The following FOXP1 variants were observed in gnomAD, a reference collection of about 807,000 sequenced individuals.
FOXP1 encodes forkhead box protein P1.
FOXP1 carries 15 observed loss-of-function variants against 98.2 expected under a neutral mutation model. That is an observed-to-expected ratio of 0.15 (90% CI 0.10 to 0.24). FOXP1 has a LOEUF of 0.24. Among genes scored for constraint, FOXP1 ranks in the 10% least tolerant of loss-of-function variants. The pLI is 1.00. For missense variants in FOXP1, 633 were observed against 848.5 expected, an observed-to-expected ratio of 0.75 and a Z score of 3.15; for synonymous variants, 371 against 314.5, an observed-to-expected ratio of 1.18 and a Z score of -1.90.
chr3:71,350,444 C>A (rs139823842), intron 4 of FOXP1, among the ~76,000 whole-genome samples: 1 of 152,258 alleles, frequency 6.6e-6, no homozygotes, highest in African/African-American at 2.4e-5. Context: ...TTATAACTGA[C>A]TTTTCTGTCT....
At chr3:71,514,038 T>G (rs1329625505) in intron 2 of FOXP1, among the ~76,000 whole-genome samples, 6 of 152,182 alleles carry the variant, frequency 3.9e-5, no homozygotes, top group African/African-American at 1.2e-4. Context: ...GATTCCCAAA[T>G]AAAACACTGA....
chr3:71,110,174 C>T (rs573307387), intron 7 of FOXP1, among the ~76,000 whole-genome samples: 23 of 152,204 alleles, frequency 1.5e-4, no homozygotes, highest in African/African-American at 4.8e-4. Context: ...AGGAAATCCC[C>T]TGAAACTTTA....
At chr3:71,413,092 C>T (rs568387597) in intron 3 of FOXP1, among the ~76,000 whole-genome samples, 1 of 152,052 alleles carries the variant, frequency 6.6e-6, no homozygotes, top group South Asian at 2.1e-4. Context: ...AACCGACAAA[C>T]AGCCAACCGG....
intron 3 of FOXP1, among the ~76,000 whole-genome samples, chr3:71,493,213 C>G (rs1471113338): frequency 6.6e-6 from 1 of 152,094 alleles, no homozygotes; most frequent in Non-Finnish European, 1.5e-5. Context: ...AACAAACAAG[C>G]CAACAGAGGA....
At chr3:71,338,269 A>G (rs2076806264) in intron 4 of FOXP1, among the ~76,000 whole-genome samples, 1 of 152,254 alleles carries the variant, frequency 6.6e-6, no homozygotes. Context: ...AAATAGGTAC[A>G]AAGGCAGGGG....
At chr3:71,126,488 CA>C (rs1431813775) in intron 6 of FOXP1, among the ~76,000 whole-genome samples, 13 of 151,322 alleles carry the variant, frequency 8.6e-5, no homozygotes, top group Admixed American at 3.3e-4. Context: ...GACTCTGTCT[CA>C]AAAAAATAAT....
intron 12 of FOXP1, among the ~76,000 whole-genome samples, chr3:71,009,675 A>G (rs2043302649): frequency 6.6e-6 from 1 of 152,178 alleles, no homozygotes; most frequent in African/African-American, 2.4e-5. Context: ...AAGTAGGTTA[A>G]GAAGTTCTAA....
intron 3 of FOXP1, among the ~76,000 whole-genome samples, chr3:71,439,899 T>G (rs2085746827): frequency 6.7e-6 from 1 of 150,344 alleles, no homozygotes; most frequent in African/African-American, 2.5e-5. Flanking sequence ...TGATCGGAGA[T>G]TGCACCATTG....
At chr3:71,517,702 C>A (rs1478110772) in intron 2 of FOXP1, among the ~76,000 whole-genome samples, 1 of 152,136 alleles carries the variant, frequency 6.6e-6, no homozygotes, top group African/African-American at 2.4e-5. Flanking sequence ...CAGCAAGCTA[C>A]CTGGTTCAAA....
At chr3:70,971,281 C>CA (rs1363117419) in intron 18 of FOXP1, 21 of 200,730 alleles carry the variant, frequency 1.0e-4, no homozygotes, top group African/African-American at 3.3e-4. Flanking sequence ...AAGGAATATC[C>CA]ACAAGGCACG....
intron 7 of FOXP1, among the ~76,000 whole-genome samples, chr3:71,055,570 C>T (rs758526104): frequency 6.6e-6 from 1 of 152,166 alleles, no homozygotes; most frequent in Non-Finnish European, 1.5e-5. Context: ...ACAGTGAACT[C>T]GCATTCAGTT....
Position 71,038,689 on chromosome 3 carries a change from G to C in FOXP1, c.869+2639C>G, listed in dbSNP as rs183261750. On this transcript the variant is annotated intron_variant, in intron 11 of 20. Transcript: ENST00000649528. ...TTTTTTTTTTTTAATTAAGAGACAG[G>C]ATCTTGCTTTGTTGCCCAGGCTGGA... 2.6e-3 allele frequency among the ~76,000 whole-genome samples: 390 copies of C among 150,850 alleles called. 1 individual carries two copies. The highest frequency in any genetic ancestry group is 4.3e-3 in the Non-Finnish European group (292 of 67,742).
intron 12 of FOXP1, among the ~76,000 whole-genome samples, chr3:71,007,987 T>C (rs532938926): frequency 1.3e-5 from 2 of 152,286 alleles, no homozygotes; most frequent in African/African-American, 4.8e-5. Context: ...TTTGTTTTGT[T>C]CTGCATGAAG....
In FOXP1 at chr3:71,047,017, G is replaced by A. The variant is rs1449025967; in HGVS notation, c.589C>T (p.Leu197=). 1.2e-6 allele frequency: 2 copies of A among 1,614,120 alleles called. No individual in the cohort carries two copies. Among genetic ancestry groups the A allele is most frequent in the South Asian group, 2.2e-5 (2 of 91,082 alleles). The part of the protein sequence containing the change: ...QMQQLQQQHL[L]SLQRQGLLTI... ...AGAAGGCCTTGGCGCTGCAAAGACA[G>A]GAGGTGCTGCTGCTGTAACTGCTGC... Residue 197 remains leucine (L), a synonymous_variant, in exon 10 of 21, where the codon CTG becomes TTG. Coordinates refer to ENST00000649528, the MANE Select transcript of FOXP1 (RefSeq NM_001349338.3).
intron 3 of FOXP1, among the ~76,000 whole-genome samples, chr3:71,478,107 C>A (rs1185719666): frequency 2.0e-5 from 3 of 152,158 alleles, no homozygotes; most frequent in Non-Finnish European, 4.4e-5. Flanking sequence ...CTGTCCTTGA[C>A]ATCTCTTTAA....
chr3:71,116,220 A>G (rs561502736), intron 6 of FOXP1, among the ~76,000 whole-genome samples: 1 of 152,206 alleles, frequency 6.6e-6, no homozygotes, highest in Non-Finnish European at 1.5e-5. Flanking sequence ...AAAGTCATGT[A>G]TAAGTTTTTT....
intron 6 of FOXP1, among the ~76,000 whole-genome samples, chr3:71,125,638 A>C (rs554761349): frequency 6.6e-6 from 1 of 152,360 alleles, no homozygotes; most frequent in African/African-American, 2.4e-5. Flanking sequence ...GTGCTCAAAA[A>C]GTGACAATGA....
chr3:71,360,556 C>G (rs1190399239), intron 3 of FOXP1: 1 of 151,982 alleles, frequency 6.6e-6, no homozygotes, highest in East Asian at 1.9e-4. Flanking sequence ...AAAGTTTTTG[C>G]GAATAGCTGT....
At chr3:71,465,323 A>AG (rs2088587480) in intron 3 of FOXP1, among the ~76,000 whole-genome samples, 1 of 66,096 alleles carries the variant, frequency 1.5e-5, no homozygotes, top group African/African-American at 5.7e-5. Flanking sequence ...AAAAAAAAAA[A>AG]AAAGAAGAAG....
Sources: allele counts gnomAD v4.1 joint callset (sites outside exome capture counted in the v4.1 genomes callset), GRCh38; gene constraint gnomAD v4.1.1; transcripts MANE v1.5; gene names NCBI Gene and HGNC (gene_info 2026-07-23, HGNC 2026-07-21).